Variants in USPL1 observed in about 807,000 individuals in gnomAD.
USPL1 encodes ubiquitin specific peptidase like 1, also known as SUMO-specific isopeptidase USPL1.
In USPL1, 27 loss-of-function variants were observed where a neutral mutation model predicts 51.5. That is an observed-to-expected ratio of 0.52 (90% CI 0.39 to 0.72). USPL1 has a LOEUF of 0.72. Ranked by LOEUF, USPL1 falls within the 30% of genes least tolerant of loss-of-function variation. The pLI is 0.00. For synonymous variants in USPL1, 451 were observed against 459.6 expected, an observed-to-expected ratio of 0.98 and a Z score of 0.24; for missense variants, 1,226 against 1,268.0, an observed-to-expected ratio of 0.97 and a Z score of 0.50.
At chr13:30,646,657 C>T (rs1951021304) in intron 6 of USPL1, among the ~76,000 whole-genome samples, 1 of 152,236 alleles carries the variant, frequency 6.6e-6, no homozygotes, top group Non-Finnish European at 1.5e-5. Flanking sequence ...TGCTTCACAG[C>T]AAAGACTCTC....
intron 8 of USPL1, among the ~76,000 whole-genome samples, chr13:30,655,704 C>T (rs1328174293): frequency 6.6e-6 from 1 of 152,066 alleles, no homozygotes; most frequent in East Asian, 1.9e-4. Flanking sequence ...AAATGATGAC[C>T]ACTGTGTTGG....
chr13:30,631,610 C>T (rs1386910171), intron 4 of USPL1, 136 bp downstream of exon 4: 2 of 789,292 alleles, frequency 2.5e-6, no homozygotes, highest in Non-Finnish European at 3.9e-6. Flanking sequence ...AGGTGGGCCT[C>T]CCACCTCAGT....
At position 30,659,737 on chromosome 13, in the gene USPL1, C is replaced by G. The variant is rs180793856; in HGVS notation, c.*381C>G. On this transcript the variant is annotated 3_prime_UTR_variant, in exon 9 of 9. Transcript: ENST00000255304. ...GTTTTCTTCCCCTGGAAACCTGTTG[C>G]TCGTGGCGCTTTGCCCACGGTGCCC... The G allele has an allele frequency of 5.0e-3, 841 of 168,036 alleles. 6 individuals are homozygous for G. Among genetic ancestry groups the G allele is most frequent in the Non-Finnish European group, 8.0e-3 (633 of 78,810 alleles). The allele number at this position is 168,036 out of a possible 1,614,324, so 10.4% of individuals were successfully genotyped here. A position where few individuals can be genotyped will look rare whatever the true frequency, so the allele number is the denominator to read the frequency against.
rs766632963 is a variant in USPL1, at chr13:30,658,632, A to G, written c.2555A>G (p.Glu852Gly). The change falls in exon 9 of 9, where the codon GAA becomes GGA. Residue 852 changes from glutamate to glycine, a missense_variant. Transcript: ENST00000255304. The part of the protein sequence containing the change: ...PHAHAASEVL[E>G]KSGSTSCGAQ... ...GCTCATGCTGCTTCAGAAGTTTTGG[A>G]AAAGTCTGGAAGCACCTCATGTGGA... 6 of 1,614,050 alleles carry G rather than the reference A, an allele frequency of 3.7e-6. No individual in the cohort carries two copies. The highest frequency in any genetic ancestry group is 2.5e-6 in the Non-Finnish European group (3 of 1,180,044).
At chr13:30,619,818 G>A (rs1415888900) in intron 1 of USPL1, among the ~76,000 whole-genome samples, 1 of 152,096 alleles carries the variant, frequency 6.6e-6, no homozygotes, top group Non-Finnish European at 1.5e-5. Flanking sequence ...AGTTGTCTGT[G>A]CCTAAAAAGA....
Position 30,637,792 on chromosome 13 carries a change from C to T in USPL1, c.917C>T (p.Thr306Ile). 1 of 1,613,596 alleles carries T rather than the reference C, an allele frequency of 6.2e-7. No individual in the cohort carries two copies. The highest frequency in any genetic ancestry group is 8.5e-7 in the Non-Finnish European group (1 of 1,179,808). The stretch of plus-strand genomic sequence containing the variant: ...TCAGAAATATTTGCAGAGATAGAGA[C>T]CTGTCTGAATGAAGTTAGAGATGAA... ...LTSEIFAEIETCLNEVRDEIF... is the reference protein window; with the variant it reads ...LTSEIFAEIEICLNEVRDEIF... The change falls in exon 5 of 9, where the codon ACC becomes ATC. Residue 306 changes from threonine (T) to isoleucine (I), a missense_variant. By Grantham distance (89) the Thr-to-Ile change is moderately conservative. Transcript: ENST00000255304.
chr13:30,653,948 ACT>A (rs1674284038), intron 8 of USPL1, among the ~76,000 whole-genome samples: 4 of 152,092 alleles, frequency 2.6e-5, no homozygotes, highest in South Asian at 2.1e-4. Flanking sequence ...TTATTTAGAC[ACT>A]CTTTCACACT....
In USPL1 at chr13:30,657,661, A is replaced by C. The variant is rs1566061531; in HGVS notation, c.1584A>C (p.Pro528=). 6.2e-7 allele frequency: 1 copy of C among 1,614,174 alleles called. No homozygotes were observed. Among genetic ancestry groups the C allele is most frequent in the South Asian group, 1.1e-5 (1 of 91,072 alleles). ...AACACGCTCTCAGTAATGAGAAACC[A>C]GTATCTTTAACATCGTGTTCTGTGG... ...NDQHALSNEK[P]VSLTSCSVGD... is the part of the protein sequence containing the mutation. The change falls in exon 9 of 9, where the codon CCA becomes CCC. Residue 528 remains proline, a synonymous_variant. Transcript: ENST00000255304.
At chr13:30,639,159 T>G (rs1950912679) in intron 5 of USPL1, among the ~76,000 whole-genome samples, 1 of 151,158 alleles carries the variant, frequency 6.6e-6, no homozygotes, top group South Asian at 2.1e-4. Flanking sequence ...GAGGTTGCAG[T>G]GAGCTGAGAT....
chr13:30,654,589 G>T (rs1184322472), intron 8 of USPL1, among the ~76,000 whole-genome samples: 2 of 152,130 alleles, frequency 1.3e-5, no homozygotes, highest in African/African-American at 4.8e-5. Flanking sequence ...ATGTGGTAGA[G>T]AACCACTGAC....
chr13:30,621,058 A>C lies in USPL1; in HGVS notation c.-68-15A>C. 1 of 1,105,418 alleles carries C rather than the reference A, an allele frequency of 9.0e-7. No individual in the cohort carries two copies. The allele number at this position is 1,105,418 out of a possible 1,614,324, so 68.5% of individuals were successfully genotyped here. Reference sequence around the variant, plus strand: ...AGAATTTTTATTTAATTGTCTATTGACTTTTTTTTTCCAGGGTTCATTGAA... The same window carrying C: ...AGAATTTTTATTTAATTGTCTATTGCCTTTTTTTTTCCAGGGTTCATTGAA... On this transcript the variant is annotated splice_polypyrimidine_tract_variant and intron_variant, in intron 1 of 8. Transcript: ENST00000255304.
At chr13:30,656,393 A>G (rs1327646504) in intron 8 of USPL1, among the ~76,000 whole-genome samples, 1 of 152,156 alleles carries the variant, frequency 6.6e-6, no homozygotes, top group Non-Finnish European at 1.5e-5. Flanking sequence ...CCTGGTAACC[A>G]CTATTCTACT....
At chr13:30,645,934 C>T (rs1951012230) in intron 6 of USPL1, among the ~76,000 whole-genome samples, 2 of 152,236 alleles carry the variant, frequency 1.3e-5, no homozygotes. Context: ...GGAGAATTAA[C>T]ACTTACTTGC....
rs200354075 is a variant in USPL1 at position 30,658,413 on chromosome 13, A to G, written c.2336A>G (p.Asn779Ser). The change falls in exon 9 of 9, where the codon AAT becomes AGT. Residue 779 changes from asparagine (N) to serine (S), a missense_variant. Transcript: ENST00000255304. Reference protein sequence around the residue: ...SFMPLCVSAHNRNTITDLQPS... With the variant: ...SFMPLCVSAHSRNTITDLQPS... ...ATGCCACTCTGTGTTTCAGCTCATA[A>G]TAGAAACACTATAACTGATTTACAA... 1.2e-6 allele frequency: 2 copies of G among 1,613,722 alleles called. No individual in the cohort carries two copies. Among genetic ancestry groups the G allele is most frequent in the East Asian group, 2.2e-5 (1 of 44,890 alleles).
intron 6 of USPL1, among the ~76,000 whole-genome samples, chr13:30,644,559 T>C (rs1432867446): frequency 1.3e-5 from 2 of 152,110 alleles, no homozygotes; most frequent in Non-Finnish European, 2.9e-5. Flanking sequence ...GGCAGACATA[T>C]CCAAAGAATA....
At chr13:30,639,200 G>T (rs1028868762) in intron 5 of USPL1, among the ~76,000 whole-genome samples, 6 of 150,542 alleles carry the variant, frequency 4.0e-5, no homozygotes, top group Non-Finnish European at 8.8e-5. Context: ...TGGGGACAGA[G>T]CGAGACTCCG....
rs1593374808 is a variant in USPL1, at chr13:30,637,641, T to A, written c.869-103T>A. 2.9e-5 allele frequency: 27 copies of A among 946,614 alleles called. 1 individual carries two copies. In the South Asian group the frequency reaches 3.9e-4, roughly 14 times the overall value. The allele number at this position is 946,614 out of a possible 1,614,324, so 58.6% of individuals were successfully genotyped here. On this transcript the variant is annotated intron_variant, in intron 4 of 8. Transcript: ENST00000255304. Reference sequence around the variant, plus strand: ...TTTTGTGTTTTGCTTTTTGTCTGTTTGCAAAACTTACTGACTCAGCTTTCA... The same window carrying A: ...TTTTGTGTTTTGCTTTTTGTCTGTTAGCAAAACTTACTGACTCAGCTTTCA...
At chr13:30,641,679 C>G (rs943549454) in intron 5 of USPL1, among the ~76,000 whole-genome samples, 1 of 152,176 alleles carries the variant, frequency 6.6e-6, no homozygotes, top group Non-Finnish European at 1.5e-5. Flanking sequence ...CAACAAGATT[C>G]AAATCTTCAG....
intron 3 of USPL1, 58 bp downstream of exon 3, chr13:30,621,950 T>A (rs1409555369): frequency 5.0e-6 from 6 of 1,202,476 alleles, no homozygotes; most frequent in Non-Finnish European, 6.4e-6. Context: ...TTTGCTTTTT[T>A]ATTAATTGTT....
Sources: allele counts gnomAD v4.1 joint callset (sites outside exome capture counted in the v4.1 genomes callset), GRCh38; gene constraint gnomAD v4.1.1; transcripts MANE v1.5; gene names NCBI Gene and HGNC (gene_info 2026-07-23, HGNC 2026-07-21).